The following KALRN variants were observed in gnomAD, a reference collection of about 807,000 sequenced individuals.
The protein encoded by KALRN is kalirin RhoGEF kinase.
In KALRN, 70 loss-of-function variants were observed where a neutral mutation model predicts 353.7. That is an observed-to-expected ratio of 0.20 (90% CI 0.16 to 0.24). KALRN has a LOEUF of 0.24. Ranked by LOEUF, KALRN falls within the 10% of genes least tolerant of loss-of-function variation. KALRN has a pLI of 1.00. For missense variants in KALRN, 2,791 were observed against 3,756.7 expected (o/e 0.74, Z 6.72); for synonymous variants, 1,391 against 1,434.8 (o/e 0.97, Z 0.69).
rs2063414986 is a variant in KALRN at position 124,726,053 on chromosome 3, G to A, written c.*6583G>A. 6.6e-6 allele frequency: 1 copy of A among 152,120 alleles called. No homozygotes were observed. Among genetic ancestry groups the A allele is most frequent in the South Asian group, 2.1e-4 (1 of 4,816 alleles). 9.4% of individuals were successfully genotyped at this position (152,120 alleles called of 1,614,324 possible). On this transcript the variant is annotated 3_prime_UTR_variant, in exon 60 of 60. Coordinates refer to ENST00000682506, the MANE Select transcript of KALRN (RefSeq NM_001388419.1). ...CCTTAATTATTTCAGTGTCTTGCTG[G>A]TCTGCCTTAAGTGTATCTTCTGGGT...
At chr3:124,216,858 AT>A (rs2077385139) in intron 1 of KALRN, among the ~76,000 whole-genome samples, 1 of 152,214 alleles carries the variant, frequency 6.6e-6, no homozygotes, top group African/African-American at 2.4e-5. Context: ...ACATTAACTC[AT>A]CTCTTTGTTA....
chr3:124,322,996 C>G (rs1384561945), intron 6 of KALRN, among the ~76,000 whole-genome samples: 1 of 152,170 alleles, frequency 6.6e-6, no homozygotes, highest in Non-Finnish European at 1.5e-5. Flanking sequence ...TTGTATTTAT[C>G]CCTCTATTAT....
intron 47 of KALRN, among the ~76,000 whole-genome samples, chr3:124,668,564 T>C (rs2085968987): frequency 6.6e-6 from 1 of 152,222 alleles, no homozygotes; most frequent in South Asian, 2.1e-4. Flanking sequence ...TGTAACAGGA[T>C]GCCACGACTT....
intron 1 of KALRN, among the ~76,000 whole-genome samples, chr3:124,076,311 T>C (rs1284462244): frequency 1.3e-5 from 2 of 152,308 alleles, no homozygotes; most frequent in African/African-American, 4.8e-5. Flanking sequence ...ATCAGGATCA[T>C]TTCTCCACTC....
chr3:124,334,235 C>T lies in KALRN; in HGVS notation c.1417-30C>T. On this transcript the variant is annotated intron_variant, in intron 8 of 59. Coordinates refer to ENST00000682506, the MANE Select transcript of KALRN (RefSeq NM_001388419.1). This position sits in a 1 kb window ranked among gnomAD's most constrained non-coding sequence, Gnocchi z 4.2. ...CTGTGCCCTGCCTATCACCCTTTTCCCTTAACTTAAACTTCTCTCTTTCCT... is the reference window on the plus strand; with the variant it reads ...CTGTGCCCTGCCTATCACCCTTTTCTCTTAACTTAAACTTCTCTCTTTCCT... The T allele has an allele frequency of 2.5e-6, 4 of 1,590,512 alleles. No homozygotes were observed. Among genetic ancestry groups the T allele is most frequent in the Non-Finnish European group, 3.5e-6 (4 of 1,158,560 alleles).
rs536579042 is a variant in KALRN, at chr3:124,509,582, A to G, written c.4935+13169A>G. Among the ~76,000 whole-genome samples the G allele has an allele frequency of 2.6e-5, 4 of 152,380 alleles. No homozygotes were observed. In the South Asian group the frequency reaches 8.3e-4, roughly 32 times the overall value. Reference sequence around the variant, plus strand: ...GTGTACCAACATGGAAACTTAATATATAATGCAAGTTTATGTTAATCCTTA... The same window carrying G: ...GTGTACCAACATGGAAACTTAATATGTAATGCAAGTTTATGTTAATCCTTA... On this transcript the variant is annotated intron_variant, in intron 33 of 59. Coordinates refer to ENST00000682506, the MANE Select transcript of KALRN (RefSeq NM_001388419.1).
chr3:124,667,399 G>A (rs539637884), intron 47 of KALRN, among the ~76,000 whole-genome samples: 1 of 152,328 alleles, frequency 6.6e-6, no homozygotes, highest in African/African-American at 2.4e-5. Context: ...CTTTCTGATA[G>A]AAGAGATTTC....
At chr3:124,158,569 G>A (rs889846542) in intron 1 of KALRN, among the ~76,000 whole-genome samples, 9 of 152,186 alleles carry the variant, frequency 5.9e-5, no homozygotes, top group African/African-American at 1.9e-4. Context: ...GGATTTTTAT[G>A]CAAAGGGATC....
At chr3:124,516,094 A>G (rs914814068) in intron 33 of KALRN, among the ~76,000 whole-genome samples, 5 of 152,334 alleles carry the variant, frequency 3.3e-5, no homozygotes, top group Middle Eastern at 3.4e-3. Flanking sequence ...TTAACCCCCA[A>G]TGGATATATA....
intron 34 of KALRN, among the ~76,000 whole-genome samples, chr3:124,587,698 C>CTTTTTTTTTT (rs529810541): frequency 0.013 from 961 of 75,846 alleles, 101 homozygotes; most frequent in Middle Eastern, 0.019. Flanking sequence ...CCACCCTCCA[C>CTTTTTTTTTT]TTTTTTTTTT....
chr3:124,127,162 C>T (rs1176906917), intron 1 of KALRN, among the ~76,000 whole-genome samples: 3 of 152,142 alleles, frequency 2.0e-5, no homozygotes, highest in South Asian at 4.2e-4. Context: ...TTATTGTCTT[C>T]CTTTAATTTG....
chr3:124,415,561 T>C (rs916905708), intron 14 of KALRN, among the ~76,000 whole-genome samples: 2 of 152,242 alleles, frequency 1.3e-5, no homozygotes, highest in Non-Finnish European at 2.9e-5. Context: ...AAACAGTGCA[T>C]ACTCTTAAAG....
rs561533513 is a variant in KALRN, at chr3:124,659,574, T to G, written c.6216+117T>G. On this transcript the variant is annotated intron_variant, in intron 43 of 59. Transcript: ENST00000682506. ...TCCACCACACTGTCCCAAAGGACTGTGAACTGTGGGAGGGGTGGTAGGGAC... is the reference window on the plus strand; with the variant it reads ...TCCACCACACTGTCCCAAAGGACTGGGAACTGTGGGAGGGGTGGTAGGGAC... 8.4e-5 allele frequency: 59 copies of G among 704,624 alleles called. No homozygotes were observed. The African/African-American group carries it at 9.6e-4, about 11-fold the overall frequency. The allele number at this position is 704,624 out of a possible 1,614,324, so 43.6% of individuals were successfully genotyped here. A position where few individuals can be genotyped will look rare whatever the true frequency, so the allele number is the denominator to read the frequency against.
At chr3:124,039,232 C>G (rs1176476637) in intron 1 of KALRN, among the ~76,000 whole-genome samples, 2 of 152,230 alleles carry the variant, frequency 1.3e-5, no homozygotes, top group Non-Finnish European at 2.9e-5. Flanking sequence ...CCCCGGCACC[C>G]TCCAAATCCA....
At chr3:124,142,944 G>C (rs1310163984) in intron 1 of KALRN, among the ~76,000 whole-genome samples, 2 of 151,966 alleles carry the variant, frequency 1.3e-5, no homozygotes, top group Middle Eastern at 3.4e-3. Context: ...CTGAACCCCA[G>C]CATTGTTTCC....
chr3:124,480,724 C>T (rs2061900057), intron 27 of KALRN, among the ~76,000 whole-genome samples: 1 of 152,192 alleles, frequency 6.6e-6, no homozygotes, highest in East Asian at 1.9e-4. Context: ...AAACCCCAAC[C>T]CACAAGCAAC....
intron 1 of KALRN, among the ~76,000 whole-genome samples, chr3:124,129,922 C>T (rs2149682472): frequency 6.6e-6 from 1 of 152,332 alleles, no homozygotes; most frequent in African/African-American, 2.4e-5. Flanking sequence ...TGGAGCCCTG[C>T]CCCTTCAAGG....
chr3:124,211,026 AGC>A (rs2076855519), intron 1 of KALRN, among the ~76,000 whole-genome samples: 1 of 152,186 alleles, frequency 6.6e-6, no homozygotes, highest in African/African-American at 2.4e-5. Flanking sequence ...CAATTTCAGG[AGC>A]TGACAGCATG....
At chr3:124,217,393 A>G (rs1037519837) in intron 1 of KALRN, among the ~76,000 whole-genome samples, 1 of 152,218 alleles carries the variant, frequency 6.6e-6, no homozygotes, top group Non-Finnish European at 1.5e-5. Context: ...CAATTTATCT[A>G]GATACCTGAA....
Sources: gnomAD v4.1 joint callset for allele counts (sites outside exome capture counted in the v4.1 genomes callset) on GRCh38, gnomAD v4.1.1 for gene constraint, Gnocchi (gnomAD v3.1) non-coding constraint, MANE v1.5 for transcripts, NCBI Gene and HGNC (gene_info 2026-07-23, HGNC 2026-07-21) for gene names.